SLC25A29: variants seen among roughly 807,000 people sequenced by gnomAD.
SLC25A29 encodes the protein solute carrier family 25 member 29.
In SLC25A29, 13 loss-of-function variants were observed where a neutral mutation model predicts 10.0. That is an observed-to-expected ratio of 1.30 (90% CI 0.85 to 2.07). The LOEUF (loss-of-function observed/expected upper bound fraction) is 2.07. SLC25A29 is among the 30% of genes most tolerant of loss of function. SLC25A29 has a pLI of 0.00. For synonymous variants in SLC25A29, 244 were observed against 221.1 expected (o/e 1.10, Z -0.92); for missense variants, 475 against 447.6 (o/e 1.06, Z -0.55).
downstream of SLC25A29, among the ~76,000 whole-genome samples, chr14:100,289,296 G>A (rs1265390436): frequency 6.6e-6 from 1 of 152,208 alleles, no homozygotes; most frequent in Non-Finnish European, 1.5e-5. Context: ...ACTGTCAAGG[G>A]AAGACAGCAA....
chr14:100,293,480 G>C (rs776126633), intron 2 of SLC25A29, 103 bp from the exon 3 acceptor site: 24 of 941,344 alleles, frequency 2.5e-5, no homozygotes, highest in African/African-American at 8.1e-5. Flanking sequence ...AAGGAGGCCG[G>C]GCACTCAGGC....
In SLC25A29 at chr14:100,291,718, G is replaced by A. The variant is rs1891706550; in HGVS notation, c.*565C>T. On this transcript the variant is annotated 3_prime_UTR_variant, in exon 4 of 4. Coordinates refer to ENST00000359232, the MANE Select transcript of SLC25A29 (RefSeq NM_001039355.3). ...CCTCCAGCAGGAGTGGCAGCAGCTG[G>A]GGTACCCCTAGCAGTGGCATGTGGA... 2 of 163,640 alleles carry A rather than the reference G, an allele frequency of 1.2e-5. No individual in the cohort carries two copies. The highest frequency in any genetic ancestry group is 3.4e-4 in the South Asian group (2 of 5,878). The allele number at this position is 163,640 out of a possible 1,614,324, so 10.1% of individuals were successfully genotyped here.
intron 2 of SLC25A29, chr14:100,295,077 G>A (rs888591535): frequency 1.5e-4 from 23 of 157,306 alleles, no homozygotes; most frequent in African/African-American, 5.3e-4. Context: ...GTGCCACCTG[G>A]GTAGTGTTGT....
chr14:100,295,323 G>A (rs141515491), intron 2 of SLC25A29: 12 of 254,100 alleles, frequency 4.7e-5, no homozygotes, highest in Non-Finnish European at 8.6e-5. Context: ...ATCTTGGGGT[G>A]CCAGGCTCTC....
rs745378979 is a variant in SLC25A29 at position 100,292,868 on chromosome 14, G to C, written c.327C>G (p.Ile109Met). 66 of 1,601,402 alleles carry C rather than the reference G, an allele frequency of 4.1e-5. No homozygotes were observed. Among genetic ancestry groups the C allele is most frequent in the Non-Finnish European group, 5.5e-5 (65 of 1,175,818 alleles). ...TCTTGGCCAGCTCCATGGGGCAGCAGATGACGCACTGGATGGCGCCCGCCG... is the reference window on the plus strand; with the variant it reads ...TCTTGGCCAGCTCCATGGGGCAGCACATGACGCACTGGATGGCGCCCGCCG... ...GAAAGAIQCV[I>M]CCPMELAKTR... is the part of the protein sequence containing the mutation. Residue 109 changes from isoleucine (I) to methionine (M), a missense_variant, in exon 4 of 4, where the codon ATC (isoleucine) becomes ATG (methionine). Transcript: ENST00000359232.
chr14:100,292,316 C>G lies in SLC25A29; in HGVS notation c.879G>C (p.Ala293=). 6.6e-7 allele frequency: 1 copy of G among 1,512,116 alleles called. No individual in the cohort carries two copies. Among genetic ancestry groups the G allele is most frequent in the Non-Finnish European group, 8.8e-7 (1 of 1,133,608 alleles). 93.7% of individuals were successfully genotyped at this position (1,512,116 alleles called of 1,614,324 possible). ...PEGEAVPAAP[A]GPALAQPSSL The stretch of plus-strand genomic sequence containing the variant: ...TGGAGGGCTGCGCCAGGGCAGGCCC[C>G]GCAGGGGCGGCGGGCACAGCCTCGC... The change falls in exon 4 of 4, where the codon GCG becomes GCC. Residue 293 remains alanine, a synonymous_variant. Coordinates refer to ENST00000359232, the MANE Select transcript of SLC25A29 (RefSeq NM_001039355.3).
chr14:100,292,752 C>T lies in SLC25A29; in HGVS notation c.443G>A (p.Arg148His), dbSNP rs1437143908. The T allele has an allele frequency of 6.2e-7, 1 of 1,601,584 alleles. No homozygotes were observed. ...LAQIYGHEGL[R>H]GVNRGMVSTL... is the part of the protein sequence containing the mutation. ...GGACACCATGCCCCGGTTGACGCCA[C>T]GCAGACCCTCGTGCCCGTAGATCTG... is the stretch of plus-strand genomic sequence containing the variant. Residue 148 changes from arginine to histidine, a missense_variant, in exon 4 of 4, where the codon CGT becomes CAT. Transcript: ENST00000359232.
chr14:100,297,663 G>A (rs1421233107), intron 2 of SLC25A29, among the ~76,000 whole-genome samples: 1 of 152,236 alleles, frequency 6.6e-6, no homozygotes, highest in Non-Finnish European at 1.5e-5. Context: ...GGCTCTGCAC[G>A]GCCTCACTCT....
At chr14:100,301,209 C>T (rs1892523004) in intron 1 of SLC25A29, among the ~76,000 whole-genome samples, 1 of 150,542 alleles carries the variant, frequency 6.6e-6, no homozygotes. Flanking sequence ...TATTCCCTTT[C>T]TTTTTTTGAG....
At chr14:100,288,525 G>A (rs1356110030), downstream of SLC25A29, among the ~76,000 whole-genome samples, 4 of 151,156 alleles carry the variant, frequency 2.6e-5, no homozygotes, top group South Asian at 2.1e-4. Flanking sequence ...CATGTGACCC[G>A]CCCTGGTGGC....
chr14:100,297,821 C>T (rs900524619), intron 2 of SLC25A29, among the ~76,000 whole-genome samples: 1 of 152,260 alleles, frequency 6.6e-6, no homozygotes, highest in African/African-American at 2.4e-5. Flanking sequence ...CTGTTGAGCA[C>T]TGGCACGATG....
At chr14:100,299,298 G>GA in intron 1 of SLC25A29, 1 of 1,030,764 alleles carries the variant, frequency 9.7e-7, no homozygotes, top group South Asian at 3.5e-5. Flanking sequence ...ACCCTCCCCA[G>GA]ATTTGAATTT....
chr14:100,292,018 C>T lies in SLC25A29; in HGVS notation c.*265G>A, dbSNP rs1056611826. The T allele has an allele frequency of 3.0e-5, 15 of 497,726 alleles. No homozygotes were observed. Among genetic ancestry groups the T allele is most frequent in the Middle Eastern group, 5.2e-4 (1 of 1,910 alleles). The allele number at this position is 497,726 out of a possible 1,614,324, so 30.8% of individuals were successfully genotyped here. On this transcript the variant is annotated 3_prime_UTR_variant, in exon 4 of 4. Transcript: ENST00000359232. ...TAACGGTGCAATGGCCTCAGCCAGG[C>T]CAGGTGCTGGCTGCTGCTGGGAATA...
chr14:100,280,009 A>ACT, the SLC25A29 span: 10 of 151,962 alleles, frequency 6.6e-5, no homozygotes, highest in African/African-American at 2.4e-4. Context: ...ACTCCCCTTG[A>ACT]CTCTCTCTGT....
rs140482607 is a variant in SLC25A29 at position 100,293,655 on chromosome 14, A to G, written c.79-278T>C. 9.5e-4 allele frequency: 422 copies of G among 441,896 alleles called. 1 individual carries two copies. Among genetic ancestry groups the G allele is most frequent in the Middle Eastern group, 4.5e-3 (7 of 1,560 alleles). The allele number at this position is 441,896 out of a possible 1,614,324, so 27.4% of individuals were successfully genotyped here. A position where few individuals can be genotyped will look rare whatever the true frequency, so the allele number is the denominator to read the frequency against. Reference sequence around the variant, plus strand: ...TCAGGTTAAGCCTCTTGTTTACACTATGGCTGCACAGTGCACTGCCAGTGG... The same window carrying G: ...TCAGGTTAAGCCTCTTGTTTACACTGTGGCTGCACAGTGCACTGCCAGTGG... On this transcript the variant is annotated intron_variant, in intron 2 of 3. Coordinates refer to ENST00000359232, the MANE Select transcript of SLC25A29 (RefSeq NM_001039355.3).
At chr14:100,299,540 G>T in intron 1 of SLC25A29, 1 of 986,102 alleles carries the variant, frequency 1.0e-6, no homozygotes, top group Non-Finnish European at 1.2e-6. Context: ...TTGTGACTGT[G>T]CGGTCATCCT....
intron 1 of SLC25A29, among the ~76,000 whole-genome samples, chr14:100,301,839 T>C (rs1211409702): frequency 6.6e-6 from 1 of 151,918 alleles, no homozygotes; most frequent in African/African-American, 2.4e-5. Context: ...CTAATCATTA[T>C]ATAGAAACAG....
downstream of SLC25A29, among the ~76,000 whole-genome samples, chr14:100,289,697 G>A (rs73353546): frequency 0.017 from 2,555 of 152,012 alleles, 61 homozygotes; most frequent in African/African-American, 0.058. Context: ...AGAAACATTT[G>A]CCAGGTGTGG....
chr14:100,285,821 C>G, the SLC25A29 span, among the ~76,000 whole-genome samples: 89 of 152,132 alleles, frequency 5.9e-4, no homozygotes, highest in African/African-American at 2.0e-3. Flanking sequence ...CCCCCTTCCC[C>G]CCGGTGGAGC....
Sources: gnomAD v4.1 joint callset for allele counts (sites outside exome capture counted in the v4.1 genomes callset) on GRCh38, gnomAD v4.1.1 for gene constraint, MANE v1.5 for transcripts, NCBI Gene and HGNC (gene_info 2026-07-23, HGNC 2026-07-21) for gene names.